TENT4A: variants seen among roughly 807,000 people sequenced by gnomAD.
The protein encoded by TENT4A is terminal nucleotidyltransferase 4A.
Under a neutral mutation model 72.8 loss-of-function variants are expected in TENT4A, and 7 were observed. The observed-to-expected ratio is 0.10, with a 90% CI of 0.05 to 0.18. The LOEUF (loss-of-function observed/expected upper bound fraction) is 0.18, where lower values mean the gene tolerates loss of function less well. Among genes scored for constraint, TENT4A ranks in the 10% least tolerant of loss-of-function variants. The pLI is 1.00. For synonymous variants in TENT4A, 456 were observed against 434.3 expected (o/e 1.05, Z -0.62); for missense variants, 831 against 1,017.7 (o/e 0.82, Z 2.50).
At position 6,738,721 on chromosome 5, in the gene TENT4A, T is replaced by C; in HGVS notation, c.879T>C (p.Leu293=). 2 of 1,611,808 alleles carry C rather than the reference T, an allele frequency of 1.2e-6. No individual in the cohort carries two copies. Among genetic ancestry groups the C allele is most frequent in the Non-Finnish European group, 1.7e-6 (2 of 1,177,878 alleles). The change falls in exon 3 of 13, where the codon CTT becomes CTC. Residue 293 remains leucine (L), a synonymous_variant. Coordinates refer to ENST00000230859, the MANE Select transcript of TENT4A (RefSeq NM_006999.6). ...GCAGCTTTAGTACAGGTCTTTATCTTCCAACTAGGTGAGTACCAGACTGCA... is the reference window on the plus strand; with the variant it reads ...GCAGCTTTAGTACAGGTCTTTATCTCCCAACTAGGTGAGTACCAGACTGCA... ...IFGSFSTGLY[L]PTSDIDLVVF... is the part of the protein sequence containing the mutation.
intron 3 of TENT4A, 49 bp from the exon 4 acceptor site, chr5:6,739,683 T>C (rs1422148401): frequency 6.2e-7 from 1 of 1,608,614 alleles, no homozygotes; most frequent in South Asian, 1.1e-5. Flanking sequence ...CACGAGTGTG[T>C]AGGCTGTGGC....
At chr5:6,739,437 G>T (rs1741687347) in intron 3 of TENT4A, among the ~76,000 whole-genome samples, 1 of 152,188 alleles carries the variant, frequency 6.6e-6, no homozygotes, top group Non-Finnish European at 1.5e-5. Flanking sequence ...GCCTGGTTTG[G>T]GGGCAGGCAT....
chr5:6,730,012 A>G (rs1338655215), intron 1 of TENT4A, among the ~76,000 whole-genome samples: 2 of 152,054 alleles, frequency 1.3e-5, no homozygotes, highest in Non-Finnish European at 2.9e-5. Flanking sequence ...TTTTTTCTGT[A>G]GCTTAATTAT....
chr5:6,733,263 G>A (rs368460039), intron 1 of TENT4A, among the ~76,000 whole-genome samples: 25 of 152,342 alleles, frequency 1.6e-4, no homozygotes, highest in Admixed American at 1.3e-3. Context: ...CTCACTGGCC[G>A]CCTGAGGCTG....
At chr5:6,736,218 T>C (rs1240339388) in intron 1 of TENT4A, among the ~76,000 whole-genome samples, 1 of 152,214 alleles carries the variant, frequency 6.6e-6, no homozygotes, top group East Asian at 1.9e-4. Flanking sequence ...TGTGGACGGC[T>C]TGGAATGCGT....
intron 5 of TENT4A, among the ~76,000 whole-genome samples, chr5:6,743,226 C>T (rs1741912362): frequency 1.3e-5 from 2 of 152,126 alleles, no homozygotes; most frequent in African/African-American, 4.8e-5. Context: ...TCAGGTTCCC[C>T]CTTCCCCCTT....
intron 1 of TENT4A, among the ~76,000 whole-genome samples, chr5:6,724,609 A>G (rs1740818219): frequency 6.6e-6 from 1 of 152,188 alleles, no homozygotes; most frequent in Admixed American, 6.5e-5. Flanking sequence ...GGAACTATTC[A>G]GGGAGATGAA....
intron 1 of TENT4A, among the ~76,000 whole-genome samples, chr5:6,722,891 T>C (rs1225028119): frequency 6.6e-6 from 1 of 152,238 alleles, no homozygotes; most frequent in Non-Finnish European, 1.5e-5. Context: ...AATTCTATTT[T>C]TGCACTAATA....
chr5:6,713,543 G>C lies in TENT4A; in HGVS notation c.-441G>C, dbSNP rs1740195134. 2 of 148,386 alleles carry C rather than the reference G, an allele frequency of 1.3e-5. No individual in the cohort carries two copies. The highest frequency in any genetic ancestry group is 3.7e-4 in the South Asian group (2 of 5,382). 9.2% of individuals were successfully genotyped at this position (148,386 alleles called of 1,614,324 possible). A position where few individuals can be genotyped will look rare whatever the true frequency, so the allele number is the denominator to read the frequency against. Reference sequence around the variant, plus strand: ...TGACTGAGGGCTAGCCGCACGGGCGGCGGCGCCTCCCGCGGGTCCTTCAGC... The same window carrying C: ...TGACTGAGGGCTAGCCGCACGGGCGCCGGCGCCTCCCGCGGGTCCTTCAGC... On this transcript the variant is annotated 5_prime_UTR_variant, in exon 1 of 13. Coordinates refer to ENST00000230859, the MANE Select transcript of TENT4A (RefSeq NM_006999.6).
intron 1 of TENT4A, among the ~76,000 whole-genome samples, chr5:6,719,947 C>G (rs1250565686): frequency 6.6e-6 from 1 of 152,154 alleles, no homozygotes; most frequent in East Asian, 1.9e-4. Flanking sequence ...TGTTGGCCAG[C>G]TGTGTTCTCA....
chr5:6,715,006 C>T lies in TENT4A; in HGVS notation c.716+307C>T, dbSNP rs111643267. 3.5e-4 allele frequency: 66 copies of T among 186,488 alleles called. 1 individual carries two copies. The highest frequency in any genetic ancestry group is 1.5e-3 in the African/African-American group (63 of 43,044). The allele number at this position is 186,488 out of a possible 1,614,324, so 11.6% of individuals were successfully genotyped here. On this transcript the variant is annotated intron_variant, in intron 1 of 12. Transcript: ENST00000230859. Reference sequence around the variant, plus strand: ...TCGACTCTCTACCCCTCCACCCCGCCTCCGGGCAAGTGAGGAACCCCTTGT... The same window carrying T: ...TCGACTCTCTACCCCTCCACCCCGCTTCCGGGCAAGTGAGGAACCCCTTGT...
chr5:6,749,040 C>T (rs922515923), intron 8 of TENT4A, among the ~76,000 whole-genome samples: 1 of 152,102 alleles, frequency 6.6e-6, no homozygotes, highest in African/African-American at 2.4e-5. Flanking sequence ...GGAAGAGTAA[C>T]GTGGTCGTCA....
chr5:6,754,623 C>A (rs1446534257), intron 12 of TENT4A, 128 bp from the exon 13 acceptor site: 1 of 562,954 alleles, frequency 1.8e-6, no homozygotes, highest in East Asian at 3.2e-5. Context: ...TGGGAAGTCC[C>A]AGAGGGCAGG....
At position 6,753,016 on chromosome 5, in the gene TENT4A, G is replaced by A. The variant is rs749676530; in HGVS notation, c.2163G>A (p.Ser721=). The change falls in exon 12 of 13, where the codon TCG becomes TCA. Residue 721 remains serine (S), a synonymous_variant. Transcript: ENST00000230859. ...CCTCAGCGTCCCCCAACCCGCTCTC[G>A]AGCCCTCATCTGTATCATAAGGTAT... is the stretch of plus-strand genomic sequence containing the variant. ...AIPSASPNPL[S]SPHLYHKQHN... is the part of the protein sequence containing the mutation. The A allele has an allele frequency of 3.5e-5, 57 of 1,613,848 alleles. No individual in the cohort carries two copies. The highest frequency in any genetic ancestry group is 3.2e-4 in the Admixed American group (19 of 59,976).
At chr5:6,729,527 A>G (rs1741100549) in intron 1 of TENT4A, among the ~76,000 whole-genome samples, 1 of 152,274 alleles carries the variant, frequency 6.6e-6, no homozygotes, top group Non-Finnish European at 1.5e-5. Flanking sequence ...TTCCAGGCGC[A>G]GTCACGCAGT....
chr5:6,736,333 C>T (rs547197846), intron 1 of TENT4A, among the ~76,000 whole-genome samples: 1 of 152,312 alleles, frequency 6.6e-6, no homozygotes, highest in East Asian at 1.9e-4. Context: ...GATGCAGGGC[C>T]ACTCACCTTT....
At position 6,755,806 on chromosome 5, in the gene TENT4A, T is replaced by G. The variant is rs1742663410; in HGVS notation, c.*861T>G. ...TTTAATGTTTTGGTTTTCACTTCTT[T>G]TAAACTGGACAACAAATCCAGCATT... On this transcript the variant is annotated 3_prime_UTR_variant, in exon 13 of 13. Coordinates refer to ENST00000230859, the MANE Select transcript of TENT4A (RefSeq NM_006999.6). The G allele has an allele frequency of 6.6e-6, 1 of 152,276 alleles. No individual in the cohort carries two copies. Among genetic ancestry groups the G allele is most frequent in the South Asian group, 2.1e-4 (1 of 4,838 alleles). The allele number at this position is 152,276 out of a possible 1,614,324, so 9.4% of individuals were successfully genotyped here.
intron 1 of TENT4A, among the ~76,000 whole-genome samples, chr5:6,725,900 A>G (rs912109447): frequency 1.3e-5 from 2 of 152,232 alleles, no homozygotes; most frequent in Admixed American, 6.5e-5. Flanking sequence ...TCAGTTGGAA[A>G]TACTAGTTTC....
intron 2 of TENT4A, among the ~76,000 whole-genome samples, chr5:6,738,235 G>A (rs764206334): frequency 1.2e-4 from 18 of 152,052 alleles, no homozygotes; most frequent in Admixed American, 2.0e-4. Flanking sequence ...AGGGCTGGCC[G>A]TGCCCCAGCT....
Sources: gnomAD v4.1 joint callset for allele counts (sites outside exome capture counted in the v4.1 genomes callset) on GRCh38, gnomAD v4.1.1 for gene constraint, MANE v1.5 for transcripts, NCBI Gene and HGNC (gene_info 2026-07-23, HGNC 2026-07-21) for gene names.